The following ATRN variants were observed in gnomAD, a reference collection of about 807,000 sequenced individuals.
The protein encoded by ATRN is attractin.
Under a neutral mutation model 178.7 loss-of-function variants are expected in ATRN, and 54 were observed. The ratio of observed to expected loss-of-function variants is 0.30; its 90% CI spans 0.24 to 0.38. ATRN has a LOEUF of 0.38. ATRN is among the 10% of genes least tolerant of loss of function. The pLI is 1.00. For missense variants in ATRN, 1,443 were observed against 1,815.1 expected, an observed-to-expected ratio of 0.79 and a Z score of 3.73; for synonymous variants, 636 against 663.0, an observed-to-expected ratio of 0.96 and a Z score of 0.63.
chr20:3,562,349 C>T lies in ATRN; in HGVS notation c.1521C>T (p.Tyr507=), dbSNP rs766121603. 2.7e-5 allele frequency: 43 copies of T among 1,613,958 alleles called. 1 individual carries two copies. The Admixed American group carries it at 3.3e-4, about 13-fold the overall frequency. ...GGGGTTACGGCCATAGCAGTGTTTACGACCATAGGACCAGGGCCCTATACG... is the reference window on the plus strand; with the variant it reads ...GGGGTTACGGCCATAGCAGTGTTTATGACCATAGGACCAGGGCCCTATACG... ...VQGGYGHSSV[Y]DHRTRALYVH... is the part of the protein sequence containing the mutation. Residue 507 remains tyrosine, a synonymous_variant, in exon 9 of 29, where the codon TAC becomes TAT. Transcript: ENST00000262919.
At position 3,547,401 on chromosome 20, in the gene ATRN, T is replaced by G. The variant is rs776808161; in HGVS notation, c.855T>G (p.Pro285=). The change falls in exon 5 of 29, where the codon CCT becomes CCG. Residue 285 remains proline (P), a synonymous_variant. Coordinates refer to ENST00000262919, the MANE Select transcript of ATRN (RefSeq NM_139321.3). ...GGAAAGGTGAAGCATGTGACATTCCTCACTGTACAGACAACTGTGGTTTTC... is the reference window on the plus strand; with the variant it reads ...GGAAAGGTGAAGCATGTGACATTCCGCACTGTACAGACAACTGTGGTTTTC... ...ENWKGEACDI[P]HCTDNCGFPH... is the part of the protein sequence containing the mutation. 3 of 1,614,048 alleles carry G rather than the reference T, an allele frequency of 1.9e-6. No individual in the cohort carries two copies. Among genetic ancestry groups the G allele is most frequent in the Non-Finnish European group, 2.5e-6 (3 of 1,179,870 alleles).
At chr20:3,578,091 C>T (rs956653322) in intron 14 of ATRN, among the ~76,000 whole-genome samples, 5 of 152,166 alleles carry the variant, frequency 3.3e-5, no homozygotes, top group Non-Finnish European at 7.4e-5. Context: ...ACCTTCTCAC[C>T]TTGCTTTTGG....
chr20:3,642,079 C>G (rs1295709450), intron 27 of ATRN, among the ~76,000 whole-genome samples: 2 of 152,192 alleles, frequency 1.3e-5, no homozygotes, highest in African/African-American at 4.8e-5. Flanking sequence ...TTCCAGGACA[C>G]CACACACTTG....
intron 10 of ATRN, among the ~76,000 whole-genome samples, chr20:3,564,791 C>T (rs1039357310): frequency 6.6e-6 from 1 of 152,094 alleles, no homozygotes; most frequent in African/African-American, 2.4e-5. Flanking sequence ...CTTGGCTGGG[C>T]GTGGTGGTTC....
intron 1 of ATRN, among the ~76,000 whole-genome samples, chr20:3,510,764 C>T (rs1052838417): frequency 6.6e-6 from 1 of 152,046 alleles, no homozygotes; most frequent in African/African-American, 2.4e-5. Flanking sequence ...TATTTTTCCA[C>T]TATATAATTA....
rs751514447 is a variant in ATRN, at chr20:3,547,316, G to A, written c.770G>A (p.Arg257Gln). 12 of 1,614,084 alleles carry A rather than the reference G, an allele frequency of 7.4e-6. No individual in the cohort carries two copies. The highest frequency in any genetic ancestry group is 5.5e-5 in the South Asian group (5 of 91,086). ...FDMCPNNCSG[R>Q]GECKISNSSD... ...ATGTGTCCAAATAACTGCTCAGGCCGAGGAGAGTGTAAGATCAGTAATAGC... is the reference window on the plus strand; with the variant it reads ...ATGTGTCCAAATAACTGCTCAGGCCAAGGAGAGTGTAAGATCAGTAATAGC... Residue 257 changes from arginine (R) to glutamine (Q), a missense_variant, in exon 5 of 29, where the codon CGA (arginine) becomes CAA (glutamine). This residue lies in a region of ATRN where 862 missense variants were observed against 972.1 expected (regional missense o/e 0.89). Transcript: ENST00000262919.
chr20:3,503,472 AT>A (rs1261054159), intron 1 of ATRN, among the ~76,000 whole-genome samples: 3 of 152,172 alleles, frequency 2.0e-5, no homozygotes, highest in African/African-American at 7.2e-5. Flanking sequence ...ATCAATTAAA[AT>A]TATCCTGAAA....
At chr20:3,581,112 G>C (rs1049735647) in intron 15 of ATRN, among the ~76,000 whole-genome samples, 1 of 152,008 alleles carries the variant, frequency 6.6e-6, no homozygotes, top group Non-Finnish European at 1.5e-5. Context: ...AGCCGGGCAT[G>C]ATGGTGGCAC....
Position 3,644,232 on chromosome 20 carries a change from C to G in ATRN, c.4129C>G (p.Arg1377Gly), listed in dbSNP as rs1302712129. 6.2e-7 allele frequency: 1 copy of G among 1,614,038 alleles called. No homozygotes were observed. The highest frequency in any genetic ancestry group is 8.5e-7 in the Non-Finnish European group (1 of 1,180,018). Reference protein sequence around the residue: ...AVLSVFVRLPRGLGGIPPPGQ... With the variant: ...AVLSVFVRLPGGLGGIPPPGQ... ...CCTCTCTGTGTTTGTGAGGCTCCCT[C>G]GAGGCCTGGGTGGCATCCCTCCTCC... The change falls in exon 28 of 29, where the codon CGA (arginine) becomes GGA (glycine). Residue 1377 changes from arginine to glycine, a missense_variant. This residue lies in a region of ATRN where 289 missense variants were observed against 440.8 expected (regional missense o/e 0.66). Transcript: ENST00000262919.
At position 3,563,806 on chromosome 20, in the gene ATRN, G is replaced by T. The variant is rs115507693; in HGVS notation, c.1786+443G>T. On this transcript the variant is annotated intron_variant, in intron 10 of 28. Coordinates refer to ENST00000262919, the MANE Select transcript of ATRN (RefSeq NM_139321.3). ...GTTCATGCAAAGCAAATGCATACCG[G>T]ATGATCTCTTTCATAAAAATTGTCA... 4.7e-3 allele frequency among the ~76,000 whole-genome samples: 722 copies of T among 152,260 alleles called. 5 individuals carry two copies. Among genetic ancestry groups the T allele is most frequent in the African/African-American group, 0.016 (681 of 41,534 alleles).
chr20:3,491,790 C>G (rs1424839315), intron 1 of ATRN, among the ~76,000 whole-genome samples: 1 of 152,098 alleles, frequency 6.6e-6, no homozygotes, highest in Non-Finnish European at 1.5e-5. Context: ...ATCTAAGTAT[C>G]TGCTGGTATT....
In ATRN at chr20:3,559,495, C is replaced by T. The variant is rs374101519; in HGVS notation, c.1203+12C>T. ...TGGCATTATACAAGGTAAAGCATCT[C>T]CACTCTGTGCTAAGCAAGAAACTAA... On this transcript the variant is annotated intron_variant, in intron 7 of 28. Transcript: ENST00000262919. 1.3e-6 allele frequency: 2 copies of T among 1,594,606 alleles called. No individual in the cohort carries two copies. Among genetic ancestry groups the T allele is most frequent in the African/African-American group, 2.7e-5 (2 of 74,504 alleles).
At chr20:3,603,282 T>G (rs2086636807) in intron 23 of ATRN, among the ~76,000 whole-genome samples, 1 of 152,148 alleles carries the variant, frequency 6.6e-6, no homozygotes, top group African/African-American at 2.4e-5. Flanking sequence ...ACATCAGCAT[T>G]ACTGGCATGG....
At position 3,609,710 on chromosome 20, in the gene ATRN, A is replaced by ATG. The variant is rs1258394170; in HGVS notation, c.3801+5450_3801+5451dup. On this transcript the variant is annotated intron_variant, in intron 24 of 28. Transcript: ENST00000262919. ...AATGGATAAACAAAATGTGGTATGT[A>ATG]TGTATGTGTGTGTGTGTGTGTGTGT... Among the ~76,000 whole-genome samples, 185 of 117,282 alleles carry ATG rather than the reference A, an allele frequency of 1.6e-3. No individual in the cohort carries two copies. The Middle Eastern group carries it at 0.023, about 15-fold the overall frequency. The allele number at this position is 117,282 out of a possible 152,430, so 76.9% of individuals were successfully genotyped here.
At chr20:3,598,802 T>G (rs1403240315) in intron 22 of ATRN, among the ~76,000 whole-genome samples, 2 of 152,222 alleles carry the variant, frequency 1.3e-5, no homozygotes, top group Non-Finnish European at 1.5e-5. Context: ...ATTTAGGAAC[T>G]TCCTTGGAGA....
intron 1 of ATRN, among the ~76,000 whole-genome samples, chr20:3,514,722 G>T (rs1385030786): frequency 6.6e-6 from 1 of 152,176 alleles, no homozygotes; most frequent in Non-Finnish European, 1.5e-5. Flanking sequence ...CACTTTGGGA[G>T]GCTGAGGTGG....
At chr20:3,547,679 C>G (rs1257803249) in intron 5 of ATRN, among the ~76,000 whole-genome samples, 190 bp downstream of exon 5, 1 of 152,038 alleles carries the variant, frequency 6.6e-6, no homozygotes, top group Non-Finnish European at 1.5e-5. Context: ...TGGTCATGGT[C>G]TTTAGAATTA....
rs542173344 is a variant in ATRN at position 3,485,570 on chromosome 20, A to G, written c.410+14053A>G. ...TTTTGGCCATGATATGTTTTTTAATACAGATTTTTAGATTTGGTTTGCCAA... is the reference window on the plus strand; with the variant it reads ...TTTTGGCCATGATATGTTTTTTAATGCAGATTTTTAGATTTGGTTTGCCAA... On this transcript the variant is annotated intron_variant, in intron 1 of 28. Coordinates refer to ENST00000262919, the MANE Select transcript of ATRN (RefSeq NM_139321.3). Among the ~76,000 whole-genome samples, 12 of 131,154 alleles carry G rather than the reference A, an allele frequency of 9.1e-5. No individual in the cohort carries two copies. The East Asian group carries it at 2.6e-3, about 28-fold the overall frequency. The allele number at this position is 131,154 out of a possible 152,430, so 86.0% of individuals were successfully genotyped here.
chr20:3,537,824 C>G (rs2085560749), intron 2 of ATRN, among the ~76,000 whole-genome samples: 1 of 151,794 alleles, frequency 6.6e-6, no homozygotes. Context: ...ATCCATGTCC[C>G]TACAAAGGAC....
Sources: allele counts gnomAD v4.1 joint callset (sites outside exome capture counted in the v4.1 genomes callset), GRCh38; gene constraint gnomAD v4.1.1; regional missense constraint gnomAD v4.1.1; transcripts MANE v1.5; gene names NCBI Gene and HGNC (gene_info 2026-07-23, HGNC 2026-07-21).